SPAG16: variants seen among roughly 807,000 people sequenced by gnomAD.
The protein encoded by SPAG16 is sperm-associated antigen 16 protein.
Under a neutral mutation model 80.4 loss-of-function variants are expected in SPAG16, and 86 were observed. The ratio of observed to expected loss-of-function variants is 1.07; its 90% CI spans 0.90 to 1.28. The LOEUF is 1.28. Among genes scored for constraint, SPAG16 ranks in the 50% most tolerant of loss-of-function variants. The pLI is 0.00. For synonymous variants in SPAG16, 294 were observed against 265.9 expected (o/e 1.11, Z -1.03); for missense variants, 870 against 765.3 (o/e 1.14, Z -1.61).
chr2:213,396,627 G>A (rs561915613), intron 9 of SPAG16: 7 of 455,950 alleles, frequency 1.5e-5, no homozygotes, highest in Admixed American at 7.1e-5. Flanking sequence ...GAATAAGACC[G>A]TACCTCTGCA....
At chr2:214,287,164 T>A (rs2125923459) in intron 15 of SPAG16, among the ~76,000 whole-genome samples, 1 of 152,348 alleles carries the variant, frequency 6.6e-6, no homozygotes, top group Non-Finnish European at 1.5e-5. Context: ...GGCCTGTTAC[T>A]TTCTGAACCA....
chr2:213,614,164 T>C (rs925198178), intron 10 of SPAG16, among the ~76,000 whole-genome samples: 6 of 152,212 alleles, frequency 3.9e-5, no homozygotes, highest in Admixed American at 1.3e-4. Context: ...TAGAACATTC[T>C]GGAATTATAT....
At chr2:213,519,034 C>T (rs113993911) in intron 10 of SPAG16, among the ~76,000 whole-genome samples, 3,108 of 152,198 alleles carry the variant, frequency 0.02, 43 homozygotes, top group Middle Eastern at 0.051. Context: ...CACACATAGA[C>T]GTAAACTTGG....
At chr2:214,014,153 A>G (rs2047467877) in intron 13 of SPAG16, 76 bp downstream of exon 13, 1 of 1,559,480 alleles carries the variant, frequency 6.4e-7, no homozygotes, top group Non-Finnish European at 8.7e-7. Flanking sequence ...GGTATGGAAT[A>G]TGACTTAAAA....
intron 11 of SPAG16, among the ~76,000 whole-genome samples, chr2:213,891,416 G>A (rs1427361): frequency 0.59 from 90,312 of 151,832 alleles, 28,736 homozygotes; most frequent in South Asian, 0.85. Context: ...ACCTAAGTAG[G>A]CAGAGCTGTA....
intron 13 of SPAG16, among the ~76,000 whole-genome samples, chr2:214,076,545 G>GTGTGTGTGTGTC (rs1553710463): frequency 1.8e-5 from 2 of 113,542 alleles, no homozygotes; most frequent in East Asian, 2.2e-4. Flanking sequence ...GTGTGTGTCT[G>GTGTGTGTGTGTC]TGTGTGTGTG....
chr2:213,801,435 C>A lies in SPAG16; in HGVS notation c.1071-61050C>A, dbSNP rs561453031. On this transcript the variant is annotated intron_variant, in intron 10 of 15. Coordinates refer to ENST00000331683, the MANE Select transcript of SPAG16 (RefSeq NM_024532.5). The stretch of plus-strand genomic sequence containing the variant: ...AAAGAACAAGACTATAGGAGATTGA[C>A]AGATTGTCCAGGCATATGCCACATT... Among the ~76,000 whole-genome samples, 14 of 152,310 alleles carry A rather than the reference C, an allele frequency of 9.2e-5. No individual in the cohort carries two copies. The East Asian group carries it at 2.7e-3, about 29-fold the overall frequency.
At chr2:214,262,374 T>C (rs1208375201) in intron 15 of SPAG16, among the ~76,000 whole-genome samples, 3 of 152,038 alleles carry the variant, frequency 2.0e-5, no homozygotes, top group Non-Finnish European at 4.4e-5. Flanking sequence ...TATAATTGAT[T>C]TCAGCTTGAT....
At chr2:214,145,818 C>G (rs62197906) in intron 14 of SPAG16, among the ~76,000 whole-genome samples, 27,314 of 152,148 alleles carry the variant, frequency 0.18, 2,608 homozygotes, top group South Asian at 0.25. Flanking sequence ...CACATAGAGT[C>G]AACGTTGATT....
At chr2:213,976,252 GTA>G (rs1298634622) in intron 12 of SPAG16, among the ~76,000 whole-genome samples, 15 of 150,108 alleles carry the variant, frequency 1.0e-4, no homozygotes, top group Admixed American at 6.7e-5. Context: ...ATACATACGT[GTA>G]TATACACACA....
chr2:214,143,052 T>C (rs570120005), intron 14 of SPAG16, among the ~76,000 whole-genome samples: 10 of 152,196 alleles, frequency 6.6e-5, no homozygotes, highest in South Asian at 4.1e-4. Flanking sequence ...TAAAAATCGT[T>C]TTTTAGCCTC....
intron 9 of SPAG16, among the ~76,000 whole-genome samples, chr2:213,407,565 G>T (rs937629603): frequency 6.6e-6 from 1 of 150,406 alleles, no homozygotes; most frequent in African/African-American, 2.5e-5. Flanking sequence ...TTGCACTCCC[G>T]CAGGTCCCTA....
intron 9 of SPAG16, among the ~76,000 whole-genome samples, chr2:213,447,802 A>C (rs141134810): frequency 6.6e-6 from 1 of 152,188 alleles, no homozygotes; most frequent in South Asian, 2.1e-4. Flanking sequence ...ACTTGTGTTA[A>C]CTCCTGTTTT....
At chr2:213,804,473 A>G (rs1444142439) in intron 10 of SPAG16, among the ~76,000 whole-genome samples, 2 of 152,080 alleles carry the variant, frequency 1.3e-5, no homozygotes, top group East Asian at 1.9e-4. Context: ...CACAAGGTCA[A>G]GAGATCGAGA....
At chr2:213,826,126 T>C (rs562184503) in intron 10 of SPAG16, among the ~76,000 whole-genome samples, 53 of 152,120 alleles carry the variant, frequency 3.5e-4, no homozygotes, top group African/African-American at 1.2e-3. Context: ...CCTGATTTTA[T>C]TTATTTGGGT....
intron 12 of SPAG16, among the ~76,000 whole-genome samples, chr2:213,971,895 C>T (rs1335264661): frequency 1.3e-5 from 2 of 150,320 alleles, no homozygotes; most frequent in African/African-American, 4.9e-5. Context: ...TTTTTTAGTA[C>T]AGTCATCCTG....
chr2:213,584,792 T>C (rs2060410729), intron 10 of SPAG16, among the ~76,000 whole-genome samples: 1 of 152,302 alleles, frequency 6.6e-6, no homozygotes, highest in South Asian at 2.1e-4. Context: ...TAAAAATTTA[T>C]TGGTGGCTAG....
intron 13 of SPAG16, among the ~76,000 whole-genome samples, chr2:214,027,627 T>C (rs1265012339): frequency 6.6e-6 from 1 of 151,878 alleles, no homozygotes; most frequent in Non-Finnish European, 1.5e-5. Context: ...GTGTCCACTT[T>C]CCCCCATTCT....
intron 15 of SPAG16, among the ~76,000 whole-genome samples, chr2:214,271,115 C>CT (rs976274951): frequency 6.6e-6 from 1 of 152,014 alleles, no homozygotes; most frequent in Non-Finnish European, 1.5e-5. Flanking sequence ...AATTCTGATA[C>CT]TTTTTTGCAT....
Sources: gnomAD v4.1 joint callset for allele counts (sites outside exome capture counted in the v4.1 genomes callset) on GRCh38, gnomAD v4.1.1 for gene constraint, MANE v1.5 for transcripts, NCBI Gene and HGNC (gene_info 2026-07-23, HGNC 2026-07-21) for gene names.